CELF2: variants seen among roughly 807,000 people sequenced by gnomAD.
The protein encoded by CELF2 is CUGBP Elav-like family member 2.
A neutral mutation model predicts 62.6 loss-of-function variants in CELF2; 8 were observed. The ratio of observed to expected loss-of-function variants is 0.13; its 90% CI spans 0.07 to 0.23. CELF2 has a LOEUF of 0.23. Ranked by LOEUF, CELF2 falls within the 10% of genes least tolerant of loss-of-function variation. CELF2 has a pLI of 1.00. For synonymous variants in CELF2, 258 were observed against 250.0 expected, an observed-to-expected ratio of 1.03 and a Z score of -0.30; for missense variants, 333 against 671.0, an observed-to-expected ratio of 0.50 and a Z score of 5.56.
the CELF2 span, among the ~76,000 whole-genome samples, chr10:10,747,877 A>T: frequency 1.3e-5 from 2 of 151,942 alleles, no homozygotes; most frequent in Non-Finnish European, 2.9e-5. Context: ...TGGCTAATTT[A>T]TTTTTACTTC....
At chr10:10,914,871 A>G (rs11256903) in intron 1 of CELF2, among the ~76,000 whole-genome samples, 11,571 of 152,124 alleles carry the variant, frequency 0.076, 1,065 homozygotes, top group African/African-American at 0.22. Context: ...GCTCACACCT[A>G]TAATCCCAGC....
the CELF2 span, among the ~76,000 whole-genome samples, chr10:10,743,029 T>C: frequency 6.6e-6 from 1 of 152,240 alleles, no homozygotes; most frequent in Non-Finnish European, 1.5e-5. Context: ...CTTAACACTT[T>C]CTGAGCACCT....
intron 2 of CELF2, among the ~76,000 whole-genome samples, chr10:10,980,559 T>C (rs2051964516): frequency 6.6e-6 from 1 of 152,224 alleles, no homozygotes; most frequent in African/African-American, 2.4e-5. Flanking sequence ...CTTACATTAA[T>C]GGCAATCACC....
intron 2 of CELF2, among the ~76,000 whole-genome samples, chr10:10,984,142 G>A (rs866147281): frequency 5.3e-5 from 8 of 152,160 alleles, no homozygotes; most frequent in African/African-American, 7.2e-5. Context: ...CGAGGTATGC[G>A]TTATCCCCAC....
At chr10:10,654,161 A>G in the CELF2 span, among the ~76,000 whole-genome samples, 1 of 135,398 alleles carries the variant, frequency 7.4e-6, no homozygotes, top group Admixed American at 7.4e-5. Flanking sequence ...TCCCAAGACT[A>G]AACCAGGAAG....
At chr10:10,598,885 T>G in the CELF2 span, among the ~76,000 whole-genome samples, 1 of 150,222 alleles carries the variant, frequency 6.7e-6, no homozygotes, top group South Asian at 2.2e-4. Flanking sequence ...CCCCGGTAGC[T>G]AGGATTACAG....
intron 2 of CELF2, chr10:10,945,879 C>T (rs1326963002): frequency 6.6e-6 from 1 of 152,492 alleles, no homozygotes; most frequent in African/African-American, 2.4e-5. Flanking sequence ...AATGCCTACC[C>T]TCAAACAATA....
At chr10:10,943,777 G>T (rs75965550) in intron 2 of CELF2, among the ~76,000 whole-genome samples, 46,983 of 141,802 alleles carry the variant, frequency 0.33, 8,424 homozygotes, top group East Asian at 0.76. Flanking sequence ...TTTTTGTTTT[G>T]TTTTTGGAGA....
chr10:10,658,778 C>G, the CELF2 span, among the ~76,000 whole-genome samples: 2 of 151,904 alleles, frequency 1.3e-5, no homozygotes, highest in South Asian at 2.1e-4. Context: ...AACATTTTAA[C>G]TGGCCTGATA....
chr10:11,178,815 AGT>A lies in CELF2; in HGVS notation c.271+13135_271+13136del, dbSNP rs2072207631. The stretch of plus-strand genomic sequence containing the variant: ...TCCCCCTGCATTAGCCGCAGAGCTG[AGT>A]GAGTCTATGAAAACCCATTGGTCGG... On this transcript the variant is annotated intron_variant, in intron 2 of 12. Coordinates refer to ENST00000633077, the MANE Select transcript of CELF2 (RefSeq NM_001326342.2). This position sits in a 1 kb window ranked among gnomAD's most constrained non-coding sequence, Gnocchi z 4.3. Among the ~76,000 whole-genome samples, 1 of 152,212 alleles carries A rather than the reference AGT, an allele frequency of 6.6e-6. No individual in the cohort carries two copies.
the CELF2 span, among the ~76,000 whole-genome samples, chr10:10,485,524 A>G: frequency 1.3e-5 from 2 of 152,234 alleles, no homozygotes; most frequent in Admixed American, 6.5e-5. Flanking sequence ...AAGCAGTCCA[A>G]TGGATAATTC....
intron 1 of CELF2, among the ~76,000 whole-genome samples, chr10:11,153,975 G>A (rs886959524): frequency 6.6e-6 from 1 of 152,204 alleles, no homozygotes; most frequent in Non-Finnish European, 1.5e-5. Context: ...AAATTAATTT[G>A]ATTCTGAAAG....
chr10:10,746,050 T>C, the CELF2 span, among the ~76,000 whole-genome samples: 3 of 152,232 alleles, frequency 2.0e-5, no homozygotes, highest in Non-Finnish European at 4.4e-5. Flanking sequence ...TCATTTCTCA[T>C]TTTAATTAGA....
At chr10:11,109,672 T>C (rs1264729095) in intron 1 of CELF2, among the ~76,000 whole-genome samples, 2 of 152,210 alleles carry the variant, frequency 1.3e-5, no homozygotes, top group African/African-American at 4.8e-5. Flanking sequence ...CAGGTGATTT[T>C]TTCAGTCTCT....
chr10:10,647,921 C>A, the CELF2 span, among the ~76,000 whole-genome samples: 20,143 of 152,122 alleles, frequency 0.13, 1,551 homozygotes, highest in Non-Finnish European at 0.18. Flanking sequence ...TGCTTAGGAC[C>A]AATCCATTGT....
chr10:11,174,983 A>G (rs976540628), intron 2 of CELF2, among the ~76,000 whole-genome samples: 4 of 152,174 alleles, frequency 2.6e-5, no homozygotes, highest in Admixed American at 6.5e-5. Flanking sequence ...GGGATGCCTT[A>G]GTAATCTGAA....
upstream of CELF2, among the ~76,000 whole-genome samples, chr10:10,795,306 C>G (rs746364604): frequency 6.7e-6 from 1 of 149,048 alleles, no homozygotes; most frequent in Non-Finnish European, 1.5e-5. Flanking sequence ...ATTATGAATG[C>G]CAAAAAAAAT....
At chr10:10,973,341 T>C (rs972110400) in intron 2 of CELF2, among the ~76,000 whole-genome samples, 1 of 152,012 alleles carries the variant, frequency 6.6e-6, no homozygotes, top group Non-Finnish European at 1.5e-5. Flanking sequence ...TTAGGGGATA[T>C]GACTCCTGGG....
chr10:11,053,996 C>A (rs2064571398), intron 1 of CELF2, among the ~76,000 whole-genome samples: 1 of 152,004 alleles, frequency 6.6e-6, no homozygotes, highest in African/African-American at 2.4e-5. Context: ...ACTATATTTG[C>A]TAATTTTGGA....
Sources: allele counts gnomAD v4.1 joint callset (sites outside exome capture counted in the v4.1 genomes callset), GRCh38; gene constraint gnomAD v4.1.1; non-coding constraint Gnocchi (gnomAD v3.1); transcripts MANE v1.5; gene names NCBI Gene and HGNC (gene_info 2026-07-23, HGNC 2026-07-21).